The following SOX13 variants were observed in gnomAD, a reference collection of about 807,000 sequenced individuals.
SOX13 encodes SRY-box transcription factor 13.
Under a neutral mutation model 71.8 loss-of-function variants are expected in SOX13, and 28 were observed. The observed-to-expected ratio is 0.39, with a 90% CI of 0.29 to 0.53. The LOEUF is 0.53. SOX13 is among the 20% of genes least tolerant of loss of function. The pLI, the probability that SOX13 is intolerant of heterozygous loss-of-function variation, is 0.70. For missense variants in SOX13, 627 were observed against 810.3 expected (o/e 0.77, Z 2.75); for synonymous variants, 309 against 317.8 (o/e 0.97, Z 0.29).
At chr1:204,094,415 G>T (rs899658757) in intron 1 of SOX13, among the ~76,000 whole-genome samples, 3 of 152,202 alleles carry the variant, frequency 2.0e-5, no homozygotes, top group Non-Finnish European at 4.4e-5. Context: ...GCAGGGACAG[G>T]GTTAAATTCT....
intron 1 of SOX13, among the ~76,000 whole-genome samples, chr1:204,077,458 C>G (rs1403574610): frequency 6.6e-6 from 1 of 152,128 alleles, no homozygotes; most frequent in Non-Finnish European, 1.5e-5. Flanking sequence ...TGCTGTAGAC[C>G]CTTTTGTCCT....
chr1:204,117,216 G>A (rs749453171), intron 6 of SOX13, 26 bp downstream of exon 6: 1 of 1,606,792 alleles, frequency 6.2e-7, no homozygotes, highest in Admixed American at 1.7e-5. Context: ...ACCCGGAGAG[G>A]CACAGGAGGC....
At chr1:204,117,987 T>C in intron 7 of SOX13, 1 of 360,184 alleles carries the variant, frequency 2.8e-6, no homozygotes, top group East Asian at 4.8e-5. Flanking sequence ...TGTGTCAGAG[T>C]ATTAATATCT....
At chr1:204,120,346 C>A (rs1403164296) in intron 7 of SOX13, among the ~76,000 whole-genome samples, 1 of 152,204 alleles carries the variant, frequency 6.6e-6, no homozygotes, top group Non-Finnish European at 1.5e-5. Flanking sequence ...ATAGGACCCC[C>A]AACTGCTTTC....
chr1:204,086,947 G>A (rs1174710784), intron 1 of SOX13, among the ~76,000 whole-genome samples: 2 of 150,130 alleles, frequency 1.3e-5, no homozygotes, highest in Non-Finnish European at 1.5e-5. Context: ...TTTTGAGACG[G>A]AGTCTCACTC....
At chr1:204,117,380 G>A (rs892685424) in intron 6 of SOX13, among the ~76,000 whole-genome samples, 190 bp downstream of exon 6, 2 of 152,178 alleles carry the variant, frequency 1.3e-5, no homozygotes, top group African/African-American at 4.8e-5. Flanking sequence ...AAAGGGAGGA[G>A]CCCGGCATGT....
chr1:204,075,778 C>T (rs926483196), intron 1 of SOX13, among the ~76,000 whole-genome samples: 2 of 152,188 alleles, frequency 1.3e-5, no homozygotes, highest in African/African-American at 2.4e-5. Flanking sequence ...ATGAACGCTT[C>T]ATGGGGTTGT....
At chr1:204,084,545 C>T (rs1233537423) in intron 1 of SOX13, among the ~76,000 whole-genome samples, 1 of 152,150 alleles carries the variant, frequency 6.6e-6, no homozygotes, top group South Asian at 2.1e-4. Flanking sequence ...GCAGGCTGGG[C>T]CTAGCTGCCA....
At chr1:204,082,081 G>T (rs147274578) in intron 1 of SOX13, among the ~76,000 whole-genome samples, 73 of 151,758 alleles carry the variant, frequency 4.8e-4, no homozygotes, top group African/African-American at 1.7e-3. Context: ...GGTGTGTGTG[G>T]GGGGGAGGGA....
At chr1:204,088,446 A>G (rs566297911) in intron 1 of SOX13, among the ~76,000 whole-genome samples, 11 of 152,340 alleles carry the variant, frequency 7.2e-5, no homozygotes, top group African/African-American at 2.4e-4. Flanking sequence ...GGCTTTGTCC[A>G]TATTTACATG....
Position 204,113,004 on chromosome 1 carries a change from AAG to A in SOX13, c.92_93del (p.Glu31AlafsTer14). On this transcript the variant is annotated frameshift_variant, in exon 2 of 14. Transcript: ENST00000367204. LOFTEE classifies it high-confidence loss of function. ...TGCACCATCAAGTCAGAGGAGAAGA[AAG>A]AGCCTTGCCACGAGGCCCCCCAGGG... The A allele has an allele frequency of 6.2e-7, 1 of 1,613,432 alleles. No homozygotes were observed. Among genetic ancestry groups the A allele is most frequent in the Non-Finnish European group, 8.5e-7 (1 of 1,179,854 alleles).
chr1:204,094,997 C>G (rs1211332625), intron 1 of SOX13, among the ~76,000 whole-genome samples: 2 of 152,202 alleles, frequency 1.3e-5, no homozygotes, highest in African/African-American at 2.4e-5. Flanking sequence ...TGGCCCCCGT[C>G]CTGCCACTCC....
At chr1:204,086,499 T>TC (rs59847632) in intron 1 of SOX13, among the ~76,000 whole-genome samples, 81,457 of 151,606 alleles carry the variant, frequency 0.54, 21,949 homozygotes, top group South Asian at 0.63. Context: ...AGAAGGAGTT[T>TC]ATCATGTTGG....
intron 1 of SOX13, among the ~76,000 whole-genome samples, chr1:204,094,995 G>A (rs1273415148): frequency 6.6e-6 from 1 of 152,092 alleles, no homozygotes; most frequent in Non-Finnish European, 1.5e-5. Flanking sequence ...AGTGGCCCCC[G>A]TCCTGCCACT....
intron 1 of SOX13, among the ~76,000 whole-genome samples, chr1:204,092,859 G>A (rs1163900986): frequency 6.6e-6 from 1 of 152,154 alleles, no homozygotes; most frequent in East Asian, 1.9e-4. Flanking sequence ...GTGCAGATTT[G>A]CTGTGCAGCA....
At chr1:204,086,752 G>A (rs562701164) in intron 1 of SOX13, among the ~76,000 whole-genome samples, 63 of 152,268 alleles carry the variant, frequency 4.1e-4, no homozygotes, top group African/African-American at 1.4e-3. Flanking sequence ...ATAAAATGGC[G>A]TAATGGTTCT....
chr1:204,122,785 G>T, intron 9 of SOX13, 69 bp from the exon 10 acceptor site: 1 of 942,460 alleles, frequency 1.1e-6, no homozygotes, highest in Non-Finnish European at 1.6e-6. Context: ...GATGGAGTTT[G>T]GGCTCATGCT....
Position 204,080,232 on chromosome 1 carries a change from C to T in SOX13, c.-2+6521C>T, listed in dbSNP as rs903869785. 5.3e-5 allele frequency among the ~76,000 whole-genome samples: 8 copies of T among 152,298 alleles called. No individual in the cohort carries two copies. In the East Asian group the frequency reaches 1.5e-3, roughly 29 times the overall value. ...CCTCCACTCTCCCCCCAGCGGTGGC[C>T]TTAGCATTTAAATAGCCTTGGCATG... On this transcript the variant is annotated intron_variant, in intron 1 of 13. Coordinates refer to ENST00000367204, the MANE Select transcript of SOX13 (RefSeq NM_005686.3).
rs1232226763 is a variant in SOX13, at chr1:204,123,631, T to G, written c.1232-30T>G. On this transcript the variant is annotated intron_variant, in intron 11 of 13. Coordinates refer to ENST00000367204, the MANE Select transcript of SOX13 (RefSeq NM_005686.3). The surrounding 1 kb of genome is among the most constrained non-coding windows in gnomAD (Gnocchi z 5.0). ...GGCACTCTCCTGACCCCAGACAGGCTGCTTGGCTGACTTCACTCCTGTCTC... is the reference window on the plus strand; with the variant it reads ...GGCACTCTCCTGACCCCAGACAGGCGGCTTGGCTGACTTCACTCCTGTCTC... The G allele has an allele frequency of 1.2e-6, 2 of 1,607,696 alleles. No homozygotes were observed. Among genetic ancestry groups the G allele is most frequent in the Non-Finnish European group, 1.7e-6 (2 of 1,176,834 alleles).
Sources: gnomAD v4.1 joint callset for allele counts (sites outside exome capture counted in the v4.1 genomes callset) on GRCh38, gnomAD v4.1.1 for gene constraint, Gnocchi (gnomAD v3.1) non-coding constraint, MANE v1.5 for transcripts, NCBI Gene and HGNC (gene_info 2026-07-23, HGNC 2026-07-21) for gene names.